CELF2: variants seen among roughly 807,000 people sequenced by gnomAD.
The protein encoded by CELF2 is CUG triplet repeat RNA-binding protein 2.
Under a neutral mutation model 62.6 loss-of-function variants are expected in CELF2, and 8 were observed. That is an observed-to-expected ratio of 0.13 (90% CI 0.07 to 0.23). The LOEUF (loss-of-function observed/expected upper bound fraction) is 0.23, where lower values mean the gene tolerates loss of function less well. Among genes scored for constraint, CELF2 ranks in the 10% least tolerant of loss-of-function variants. CELF2 has a pLI of 1.00. For missense variants in CELF2, 333 were observed against 671.0 expected (o/e 0.50, Z 5.56); for synonymous variants, 258 against 250.0 (o/e 1.03, Z -0.30).
the CELF2 span, among the ~76,000 whole-genome samples, chr10:10,600,597 A>G: frequency 6.6e-6 from 1 of 152,246 alleles, no homozygotes; most frequent in Non-Finnish European, 1.5e-5. Flanking sequence ...CAGATGATGG[A>G]TATGGGAAGA....
At chr10:10,878,451 C>T (rs1316461962) in intron 1 of CELF2, among the ~76,000 whole-genome samples, 5 of 152,208 alleles carry the variant, frequency 3.3e-5, no homozygotes, top group African/African-American at 1.2e-4. Flanking sequence ...ATTTAACCCG[C>T]GCTTCTGTGC....
the CELF2 span, among the ~76,000 whole-genome samples, chr10:10,631,294 T>C: frequency 1.3e-5 from 2 of 152,192 alleles, no homozygotes; most frequent in African/African-American, 2.4e-5. Context: ...TTCAAAACCA[T>C]GCACATGTAT....
At chr10:11,258,116 G>T (rs1420932441) in intron 5 of CELF2, among the ~76,000 whole-genome samples, 1 of 152,194 alleles carries the variant, frequency 6.6e-6, no homozygotes, top group Admixed American at 6.5e-5. Flanking sequence ...AAGCCAACAG[G>T]CTGCCCTACT....
At chr10:11,140,765 C>T (rs2061215493) in intron 1 of CELF2, among the ~76,000 whole-genome samples, 2 of 152,224 alleles carry the variant, frequency 1.3e-5, no homozygotes, top group Admixed American at 6.5e-5. Flanking sequence ...CCTGTAATCC[C>T]AGCACTTTGG....
chr10:11,197,834 T>C (rs1275162962), intron 2 of CELF2, among the ~76,000 whole-genome samples: 4 of 152,282 alleles, frequency 2.6e-5, no homozygotes, highest in East Asian at 1.9e-4. Flanking sequence ...ATGAGGACTC[T>C]TCTGTAGCGT....
chr10:10,951,448 CA>C (rs1011616210), intron 2 of CELF2, among the ~76,000 whole-genome samples: 12 of 151,758 alleles, frequency 7.9e-5, no homozygotes, highest in South Asian at 2.1e-4. Flanking sequence ...TTCTCCAACA[CA>C]AAAAAAAGAT....
At chr10:11,275,805 G>C (rs905843615) in intron 8 of CELF2, among the ~76,000 whole-genome samples, 1 of 152,170 alleles carries the variant, frequency 6.6e-6, no homozygotes, top group Non-Finnish European at 1.5e-5. Context: ...GGTCACTCCT[G>C]CCGTGCCACC....
chr10:11,081,585 G>GA lies in CELF2; in HGVS notation c.74+63430dup, dbSNP rs745390854. Among the ~76,000 whole-genome samples the GA allele has an allele frequency of 8.0e-4, 121 of 151,766 alleles. 2 individuals are homozygous for GA. Among genetic ancestry groups the GA allele is most frequent in the Non-Finnish European group, 1.5e-3 (101 of 67,854 alleles). On this transcript the variant is annotated intron_variant, in intron 1 of 12. Coordinates refer to ENST00000633077, the MANE Select transcript of CELF2 (RefSeq NM_001326342.2). Reference sequence around the variant, plus strand: ...GCCAGAACTTGGAAGAGTTGAGATAGAAAAAAAATAAAAAATAGGAGATTT... The same window carrying GA: ...GCCAGAACTTGGAAGAGTTGAGATAGAAAAAAAAATAAAAAATAGGAGATTT...
chr10:10,796,980 GTA>G, upstream of CELF2: 2 of 700,868 alleles, frequency 2.9e-6, no homozygotes, highest in Middle Eastern at 7.4e-4. Context: ...ATTAGGGAAA[GTA>G]TCCATGACTG....
rs2096001850 is a variant in CELF2 at position 11,330,976 on chromosome 10, A to G, written c.*1923A>G. The G allele has an allele frequency of 6.6e-6, 1 of 152,610 alleles. No homozygotes were observed. Among genetic ancestry groups the G allele is most frequent in the African/African-American group, 2.4e-5 (1 of 41,446 alleles). The allele number at this position is 152,610 out of a possible 1,614,324, so 9.5% of individuals were successfully genotyped here. A position where few individuals can be genotyped will look rare whatever the true frequency, so the allele number is the denominator to read the frequency against. On this transcript the variant is annotated 3_prime_UTR_variant, in exon 13 of 13. Coordinates refer to ENST00000633077, the MANE Select transcript of CELF2 (RefSeq NM_001326342.2). This position sits in a 1 kb window ranked among gnomAD's most constrained non-coding sequence, Gnocchi z 4.5. Reference sequence around the variant, plus strand: ...TAAAGTTTTTTGATAAGGCCATTTTAGGTGGCTCACTTTCTCATTAAGATA... The same window carrying G: ...TAAAGTTTTTTGATAAGGCCATTTTGGGTGGCTCACTTTCTCATTAAGATA...
At chr10:10,914,700 G>T (rs2064159547) in intron 1 of CELF2, among the ~76,000 whole-genome samples, 1 of 152,118 alleles carries the variant, frequency 6.6e-6, no homozygotes, top group Non-Finnish European at 1.5e-5. Context: ...CAAATGAATT[G>T]CCCAAGGATA....
At chr10:10,611,285 T>A in the CELF2 span, among the ~76,000 whole-genome samples, 2 of 152,146 alleles carry the variant, frequency 1.3e-5, no homozygotes, top group African/African-American at 4.8e-5. Context: ...AAAGAGCCAT[T>A]GAGAACCAAC....
chr10:10,972,684 C>T lies in CELF2; in HGVS notation c.89+52685C>T, dbSNP rs901949719. On this transcript the variant is annotated intron_variant, in intron 2 of 13. Coordinates refer to the CELF2 transcript ENST00000636488. The surrounding 1 kb of genome is among the most constrained non-coding windows in gnomAD (Gnocchi z 4.4). ...GCACATATCCAGTTTTCTCCTCTGC[C>T]TCCTCACCTGGCTGCTCCTGGGGCA... Among the ~76,000 whole-genome samples, 12 of 152,290 alleles carry T rather than the reference C, an allele frequency of 7.9e-5. No individual in the cohort carries two copies. Among genetic ancestry groups the T allele is most frequent in the Admixed American group, 2.6e-4 (4 of 15,296 alleles).
At position 10,842,937 on chromosome 10, in the gene CELF2, G is replaced by T. The variant is rs550474170; in HGVS notation, c.53+44120G>T. Among the ~76,000 whole-genome samples the T allele has an allele frequency of 5.3e-5, 8 of 152,060 alleles. No homozygotes were observed. In the East Asian group the frequency reaches 1.5e-3, roughly 29 times the overall value. The stretch of plus-strand genomic sequence containing the variant: ...CTCAGCCTGGTACACTTCTTTGGGA[G>T]GTGGAGGAAGAAAGGTTACTTATTA... On this transcript the variant is annotated intron_variant, in intron 1 of 13. Coordinates refer to the CELF2 transcript ENST00000636488.
At position 11,098,825 on chromosome 10, in the gene CELF2, C is replaced by G. The variant is rs118139219; in HGVS notation, c.75-66661C>G. On this transcript the variant is annotated intron_variant, in intron 1 of 12. Transcript: ENST00000633077. This position sits in a 1 kb window ranked among gnomAD's most constrained non-coding sequence, Gnocchi z 4.0. ...TGACCGAGGCTTCTTGGCTCTGCAC[C>G]GGGTGATAATTCTACCTGGGCAGCA... Among the ~76,000 whole-genome samples the G allele has an allele frequency of 6.6e-6, 1 of 152,260 alleles. No individual in the cohort carries two copies. The highest frequency in any genetic ancestry group is 3.4e-3 in the Middle Eastern group (1 of 294).
chr10:11,004,580 A>C (rs771426102), upstream of CELF2, among the ~76,000 whole-genome samples: 20 of 152,134 alleles, frequency 1.3e-4, no homozygotes, highest in Non-Finnish European at 2.6e-4. This position sits in a 1 kb window ranked among gnomAD's most constrained non-coding sequence, Gnocchi z 5.0. Context: ...AGAAAAGAGC[A>C]ACTCATTGGT....
chr10:10,918,451 T>G (rs2134612096), intron 1 of CELF2, among the ~76,000 whole-genome samples: 1 of 152,354 alleles, frequency 6.6e-6, no homozygotes, highest in South Asian at 2.1e-4. Context: ...ATATGATTAC[T>G]TAGGAAAGAA....
rs1358756941 is a variant in CELF2, at chr10:11,309,811, T to C, written c.977-4328T>C. Among the ~76,000 whole-genome samples the C allele has an allele frequency of 6.6e-6, 1 of 152,174 alleles. No homozygotes were observed. The highest frequency in any genetic ancestry group is 2.4e-5 in the African/African-American group (1 of 41,444). Reference sequence around the variant, plus strand: ...TACTCTTAATTGCTCACCAACAAAATTTATCTTGTTTCTGACAGTGCCTGA... The same window carrying C: ...TACTCTTAATTGCTCACCAACAAAACTTATCTTGTTTCTGACAGTGCCTGA... On this transcript the variant is annotated intron_variant, in intron 9 of 12. Transcript: ENST00000633077. The surrounding 1 kb of genome is among the most constrained non-coding windows in gnomAD (Gnocchi z 5.6).
Position 11,165,521 on chromosome 10 carries a change from A to G in CELF2, c.110A>G (p.Asp37Gly). Residue 37 changes from aspartate to glycine, a missense_variant, in exon 2 of 13, where the codon GAT (aspartate) becomes GGT (glycine). By Grantham distance (94) the Asp-to-Gly change is moderately conservative. Coordinates refer to ENST00000633077, the MANE Select transcript of CELF2 (RefSeq NM_001326342.2). This position sits in a 1 kb window ranked among gnomAD's most constrained non-coding sequence, Gnocchi z 7.4. ...GTANKMNGAL[D>G]HSDQPDPDAI... is the part of the protein sequence containing the mutation. ...GCCAACAAGATGAACGGAGCTTTGG[A>G]TCACTCAGACCAACCAGACCCAGAT... The G allele has an allele frequency of 6.2e-7, 1 of 1,613,966 alleles. No homozygotes were observed. Among genetic ancestry groups the G allele is most frequent in the Non-Finnish European group, 8.5e-7 (1 of 1,179,964 alleles).
Sources: gnomAD v4.1 joint callset for allele counts (sites outside exome capture counted in the v4.1 genomes callset) on GRCh38, gnomAD v4.1.1 for gene constraint, Gnocchi (gnomAD v3.1) non-coding constraint, MANE v1.5 for transcripts, NCBI Gene and HGNC (gene_info 2026-07-23, HGNC 2026-07-21) for gene names.